Variants in CSMD1 observed in about 807,000 individuals in gnomAD.
CSMD1 encodes the protein CUB and sushi domain-containing protein 1.
Under a neutral mutation model 417.5 loss-of-function variants are expected in CSMD1, and 213 were observed. The observed-to-expected ratio is 0.51, with a 90% confidence interval of 0.46 to 0.57. CSMD1 has a LOEUF of 0.57. Among genes scored for constraint, CSMD1 ranks in the 20% least tolerant of loss-of-function variants. The probability of loss-of-function intolerance (pLI) is 0.00; values close to 1 mark genes in which losing one functional copy is unlikely to be tolerated. For synonymous variants in CSMD1, 2,862 were observed against 1,736.8 expected, an observed-to-expected ratio of 1.65 and a Z score of -16.11; for missense variants, 6,923 against 4,529.7, an observed-to-expected ratio of 1.53 and a Z score of -15.17.
chr8:3,635,828 G>C (rs929491154), intron 7 of CSMD1, among the ~76,000 whole-genome samples: 2 of 127,790 alleles, frequency 1.6e-5, no homozygotes. Flanking sequence ...AAGAAAGAAA[G>C]AAAAAAAAAA....
intron 1 of CSMD1, among the ~76,000 whole-genome samples, chr8:4,811,969 T>G (rs1798932278): frequency 6.6e-6 from 1 of 152,200 alleles, no homozygotes; most frequent in Non-Finnish European, 1.5e-5. Flanking sequence ...ACATGCTGGT[T>G]TTTTAAAATA....
intron 5 of CSMD1, among the ~76,000 whole-genome samples, chr8:3,821,681 C>G (rs1026959373): frequency 2.3e-4 from 35 of 152,168 alleles, no homozygotes; most frequent in African/African-American, 6.8e-4. Context: ...ACTCAGGAGG[C>G]TGAGGCAAGA....
At chr8:4,136,825 C>T (rs1803467609) in intron 3 of CSMD1, among the ~76,000 whole-genome samples, 1 of 152,142 alleles carries the variant, frequency 6.6e-6, no homozygotes, top group African/African-American at 2.4e-5. Context: ...ATCCTGACAT[C>T]CAAATGTTTG....
intron 26 of CSMD1, among the ~76,000 whole-genome samples, chr8:3,231,142 C>G (rs1335844238): frequency 6.6e-6 from 1 of 152,128 alleles, no homozygotes. Context: ...CAAGAAATAG[C>G]AGTTGTTTTC....
intron 1 of CSMD1, among the ~76,000 whole-genome samples, chr8:4,939,669 G>A (rs1210342501): frequency 6.6e-6 from 1 of 152,190 alleles, no homozygotes; most frequent in Non-Finnish European, 1.5e-5. Flanking sequence ...GGGAGATACT[G>A]GCCAAATGTT....
chr8:3,199,094 A>G (rs985680029), intron 33 of CSMD1, among the ~76,000 whole-genome samples: 2 of 152,254 alleles, frequency 1.3e-5, no homozygotes, highest in Non-Finnish European at 2.9e-5. Flanking sequence ...AGTGAAACAA[A>G]TTAGGAGAAA....
chr8:4,587,201 T>C (rs1316360017), intron 2 of CSMD1, among the ~76,000 whole-genome samples: 1 of 152,148 alleles, frequency 6.6e-6, no homozygotes, highest in Non-Finnish European at 1.5e-5. Context: ...GGTATGTAAT[T>C]CCTTCAGTAA....
chr8:3,364,241 A>G (rs1809400789), intron 20 of CSMD1, among the ~76,000 whole-genome samples: 1 of 152,086 alleles, frequency 6.6e-6, no homozygotes, highest in African/African-American at 2.4e-5. Flanking sequence ...AAATGAAATT[A>G]CTCCTCTAAC....
intron 25 of CSMD1, among the ~76,000 whole-genome samples, chr8:3,296,469 A>G (rs1263310294): frequency 6.6e-6 from 1 of 152,086 alleles, no homozygotes; most frequent in Non-Finnish European, 1.5e-5. Flanking sequence ...TTTAAGGATG[A>G]TACACCGATG....
chr8:4,723,195 G>T (rs1809179204), intron 1 of CSMD1, among the ~76,000 whole-genome samples: 1 of 152,092 alleles, frequency 6.6e-6, no homozygotes. Flanking sequence ...AACCCGCCAG[G>T]AAGTCATAGA....
At chr8:3,778,815 C>G (rs1343872124) in intron 5 of CSMD1, among the ~76,000 whole-genome samples, 1 of 152,214 alleles carries the variant, frequency 6.6e-6, no homozygotes, top group Admixed American at 6.5e-5. Context: ...TTTCTCCTGA[C>G]TGCTGTACAA....
chr8:3,043,356 A>G lies in CSMD1; in HGVS notation c.7660+9106T>C, dbSNP rs1811235391. Among the ~76,000 whole-genome samples, 5 of 152,092 alleles carry G rather than the reference A, an allele frequency of 3.3e-5. No individual in the cohort carries two copies. In the South Asian group the frequency reaches 1.0e-3, roughly 31 times the overall value. ...GTGATATACATATAACGATATATAC[A>G]GATTATATAGTACCATAGGTCACTA... On this transcript the variant is annotated intron_variant, in intron 50 of 69. Coordinates refer to ENST00000635120, the MANE Select transcript of CSMD1 (RefSeq NM_033225.6).
intron 5 of CSMD1, among the ~76,000 whole-genome samples, chr8:3,919,634 T>C (rs1055909224): frequency 6.6e-6 from 1 of 152,284 alleles, no homozygotes; most frequent in Non-Finnish European, 1.5e-5. Context: ...TGTGATTCCA[T>C]ACAAATTTTA....
At chr8:4,878,546 A>T (rs1409238238) in intron 1 of CSMD1, among the ~76,000 whole-genome samples, 1 of 151,810 alleles carries the variant, frequency 6.6e-6, no homozygotes, top group Non-Finnish European at 1.5e-5. Flanking sequence ...TTCTTGTACA[A>T]CCCCCAAAAG....
At chr8:4,273,841 G>A (rs879711957) in intron 3 of CSMD1, among the ~76,000 whole-genome samples, 7 of 152,150 alleles carry the variant, frequency 4.6e-5, no homozygotes, top group Non-Finnish European at 1.0e-4. Flanking sequence ...GGTTGTGAAG[G>A]TGAAATGATA....
intron 7 of CSMD1, among the ~76,000 whole-genome samples, chr8:3,666,451 C>T (rs1336187066): frequency 2.0e-5 from 3 of 152,168 alleles, no homozygotes; most frequent in Non-Finnish European, 1.5e-5. Context: ...GACAGAAATA[C>T]TGAATCACGA....
At chr8:4,270,875 G>C (rs186364019) in intron 3 of CSMD1, among the ~76,000 whole-genome samples, 1 of 152,072 alleles carries the variant, frequency 6.6e-6, no homozygotes, top group Non-Finnish European at 1.5e-5. Context: ...CCCCCTCTGA[G>C]GACCTCATTC....
intron 3 of CSMD1, among the ~76,000 whole-genome samples, chr8:4,136,712 T>C (rs1275061727): frequency 4.6e-5 from 7 of 152,234 alleles, no homozygotes; most frequent in East Asian, 3.9e-4. Flanking sequence ...TAACATCTTA[T>C]GTAGCCATCA....
intron 49 of CSMD1, among the ~76,000 whole-genome samples, chr8:3,057,385 G>T (rs1299722741): frequency 6.6e-6 from 1 of 151,994 alleles, no homozygotes; most frequent in Non-Finnish European, 1.5e-5. Context: ...CAAAATCAGG[G>T]TCATTAAAAC....
Sources: allele counts gnomAD v4.1 joint callset (sites outside exome capture counted in the v4.1 genomes callset), GRCh38; gene constraint gnomAD v4.1.1; transcripts MANE v1.5; gene names NCBI Gene and HGNC (gene_info 2026-07-23, HGNC 2026-07-21).